Variants in SRGAP3 observed in about 807,000 individuals in gnomAD.
SRGAP3 encodes SLIT-ROBO Rho GTPase-activating protein 3.
A neutral mutation model predicts 121.1 loss-of-function variants in SRGAP3; 39 were observed. The ratio of observed to expected loss-of-function variants is 0.32; its 90% CI spans 0.25 to 0.42. SRGAP3 has a LOEUF of 0.42. Ranked by LOEUF, SRGAP3 falls within the 10% of genes least tolerant of loss-of-function variation. The pLI is 1.00. For synonymous variants in SRGAP3, 601 were observed against 570.0 expected, an observed-to-expected ratio of 1.05 and a Z score of -0.77; for missense variants, 1,213 against 1,470.6, an observed-to-expected ratio of 0.82 and a Z score of 2.86.
chr3:9,087,034 T>G (rs979503093), intron 3 of SRGAP3, among the ~76,000 whole-genome samples: 5 of 151,544 alleles, frequency 3.3e-5, no homozygotes, highest in African/African-American at 1.2e-4. Context: ...ACGTATATTA[T>G]GTATGCATAT....
chr3:9,322,478 C>T (rs139333022), intron 3 of SRGAP3, among the ~76,000 whole-genome samples: 3,143 of 151,906 alleles, frequency 0.021, 61 homozygotes, highest in African/African-American at 0.027. Flanking sequence ...TCCCCGTGGC[C>T]TATTAGGAAC....
intron 1 of SRGAP3, among the ~76,000 whole-genome samples, chr3:9,360,626 T>C (rs1490440336): frequency 2.0e-5 from 3 of 152,178 alleles, no homozygotes; most frequent in Non-Finnish European, 4.4e-5. Flanking sequence ...ACAATCATGG[T>C]GGAAGGTGAA....
At chr3:9,304,014 A>G (rs1320899187) in intron 3 of SRGAP3, among the ~76,000 whole-genome samples, 2 of 152,180 alleles carry the variant, frequency 1.3e-5, no homozygotes, top group African/African-American at 4.8e-5. Context: ...CACAAGAGCT[A>G]TAATAACTTC....
upstream of SRGAP3, among the ~76,000 whole-genome samples, chr3:9,253,735 A>G (rs958262844): frequency 1.3e-5 from 2 of 152,190 alleles, no homozygotes; most frequent in African/African-American, 4.8e-5. Flanking sequence ...TAATAGAATT[A>G]ATAGTGATGA....
chr3:9,359,789 C>T (rs1304143637), intron 1 of SRGAP3, among the ~76,000 whole-genome samples: 1 of 152,206 alleles, frequency 6.6e-6, no homozygotes, highest in Non-Finnish European at 1.5e-5. Context: ...TCACAGTATT[C>T]CATTCCTTTT....
intron 3 of SRGAP3, among the ~76,000 whole-genome samples, chr3:9,087,723 T>A (rs1212409690): frequency 6.6e-6 from 1 of 152,124 alleles, no homozygotes; most frequent in Non-Finnish European, 1.5e-5. Flanking sequence ...ACAGGCTTCC[T>A]TCAGAGCAGG....
At chr3:9,029,415 T>C (rs1298426559) in intron 12 of SRGAP3, among the ~76,000 whole-genome samples, 1 of 152,164 alleles carries the variant, frequency 6.6e-6, no homozygotes, top group Non-Finnish European at 1.5e-5. Context: ...GGAAAAAACA[T>C]CAAGGATTTT....
chr3:9,352,445 T>C (rs981631732), intron 1 of SRGAP3, among the ~76,000 whole-genome samples: 2 of 152,048 alleles, frequency 1.3e-5, no homozygotes, highest in South Asian at 2.1e-4. Context: ...GGCTAATTTT[T>C]GTATTATTAG....
intron 1 of SRGAP3, among the ~76,000 whole-genome samples, chr3:9,177,569 T>A (rs1951224705): frequency 6.6e-6 from 1 of 152,030 alleles, no homozygotes; most frequent in African/African-American, 2.4e-5. Flanking sequence ...AAGGTCTCCA[T>A]GATCTTAATA....
chr3:9,245,896 C>A (rs143625700), intron 1 of SRGAP3, among the ~76,000 whole-genome samples: 382 of 152,162 alleles, frequency 2.5e-3, no homozygotes, highest in African/African-American at 8.6e-3. Context: ...TACATTCCAG[C>A]CTGGACGACA....
At chr3:9,237,768 G>A (rs1385175750) in intron 1 of SRGAP3, among the ~76,000 whole-genome samples, 1 of 152,198 alleles carries the variant, frequency 6.6e-6, no homozygotes, top group Non-Finnish European at 1.5e-5. Context: ...AGCACAGCGT[G>A]GCTTTCTAAG....
chr3:9,092,208 T>C (rs940753964), intron 3 of SRGAP3, among the ~76,000 whole-genome samples: 4 of 151,992 alleles, frequency 2.6e-5, no homozygotes, highest in East Asian at 1.9e-4. Flanking sequence ...GTAACAGGCC[T>C]GAGGAAGTCC....
In SRGAP3 at chr3:8,990,637, C is replaced by G. The variant is rs144015894; in HGVS notation, c.2761G>C (p.Gly921Arg). The G allele has an allele frequency of 6.2e-7, 1 of 1,613,406 alleles. No homozygotes were observed. The highest frequency in any genetic ancestry group is 1.3e-5 in the African/African-American group (1 of 74,924). Residue 921 changes from glycine to arginine, a missense_variant, in exon 21 of 22, where the codon GGC (glycine) becomes CGC (arginine). Around this residue, in one of 2 missense-constraint regions of SRGAP3, gnomAD observed 420 missense variants for 437.7 expected, o/e 0.96. Coordinates refer to ENST00000383836, the MANE Select transcript of SRGAP3 (RefSeq NM_014850.4). ...TTCTTGTCAGGGTAGTTGATGCTGC[C>G]AGCGCTCCCGAACGTCGCCATCCTC... ...KRRMATFGSA[G>R]SINYPDKKAL...
intron 1 of SRGAP3, among the ~76,000 whole-genome samples, chr3:9,126,186 C>T (rs1028155406): frequency 1.3e-5 from 2 of 152,206 alleles, no homozygotes; most frequent in Admixed American, 6.5e-5. Flanking sequence ...TCTAGATGCA[C>T]GGCCCCTCTC....
intron 20 of SRGAP3, 94 bp from the exon 21 acceptor site, chr3:8,990,933 G>A (rs907393933): frequency 7.1e-6 from 8 of 1,124,620 alleles, no homozygotes; most frequent in African/African-American, 1.6e-5. Context: ...CACACTACAC[G>A]CTAGTCTAAG....
Position 8,985,304 on chromosome 3 carries a change from G to T in SRGAP3, c.*215C>A. 1 of 1,054,202 alleles carries T rather than the reference G, an allele frequency of 9.5e-7. No homozygotes were observed. Among genetic ancestry groups the T allele is most frequent in the Non-Finnish European group, 1.3e-6 (1 of 766,296 alleles). 65.3% of individuals were successfully genotyped at this position (1,054,202 alleles called of 1,614,324 possible). On this transcript the variant is annotated 3_prime_UTR_variant, in exon 22 of 22. Transcript: ENST00000383836. The surrounding 1 kb of genome is among the most constrained non-coding windows in gnomAD (Gnocchi z 5.1). ...GCTGCTGGAGCTCCAGCACTCCTCT[G>T]GTCGTCTGTTGACACGCGAGAGGTC... is the stretch of plus-strand genomic sequence containing the variant.
chr3:9,037,953 T>C, intron 11 of SRGAP3, 110 bp downstream of exon 11: 1 of 1,437,690 alleles, frequency 7.0e-7, no homozygotes, highest in South Asian at 1.1e-5. Flanking sequence ...TTGGGGACAT[T>C]GGTGAAGAAG....
At chr3:9,029,539 T>C (rs1215910961) in intron 12 of SRGAP3, among the ~76,000 whole-genome samples, 1 of 152,212 alleles carries the variant, frequency 6.6e-6, no homozygotes, top group East Asian at 1.9e-4. Flanking sequence ...TAGACCACCA[T>C]AATTGTGAAG....
rs539142366 is a variant in SRGAP3 at position 9,076,490 on chromosome 3, G to C, written c.486+3535C>G. Among the ~76,000 whole-genome samples, 122 of 152,248 alleles carry C rather than the reference G, an allele frequency of 8.0e-4. No individual in the cohort carries two copies. In the Middle Eastern group the frequency reaches 0.01, roughly 13 times the overall value. ...GAGGTTAATTGATTTGGCCAAGCTC[G>C]TAAGTGGTGCAGCAGGAATTCAAAT... On this transcript the variant is annotated intron_variant, in intron 4 of 21. Coordinates refer to ENST00000383836, the MANE Select transcript of SRGAP3 (RefSeq NM_014850.4).
Sources: allele counts gnomAD v4.1 joint callset (sites outside exome capture counted in the v4.1 genomes callset), GRCh38; gene constraint gnomAD v4.1.1; regional missense constraint gnomAD v4.1.1; non-coding constraint Gnocchi (gnomAD v3.1); transcripts MANE v1.5; gene names NCBI Gene and HGNC (gene_info 2026-07-23, HGNC 2026-07-21).